The following UEVLD variants were observed in gnomAD, a reference collection of about 807,000 sequenced individuals.
UEVLD encodes the protein ubiquitin-conjugating enzyme E2 variant 3.
A neutral mutation model predicts 58.6 loss-of-function variants in UEVLD; 47 were observed. That is an observed-to-expected ratio of 0.80 (90% CI 0.63 to 1.02). The LOEUF (loss-of-function observed/expected upper bound fraction) is 1.02. UEVLD is among the 50% of genes least tolerant of loss of function. UEVLD has a pLI of 0.00. For missense variants in UEVLD, 510 were observed against 550.6 expected (o/e 0.93, Z 0.74); for synonymous variants, 197 against 195.3 (o/e 1.01, Z -0.07).
chr11:18,547,924 C>CT (rs941985784), intron 7 of UEVLD, among the ~76,000 whole-genome samples: 9 of 151,892 alleles, frequency 5.9e-5, no homozygotes, highest in East Asian at 1.9e-4. Flanking sequence ...AATATCTTGG[C>CT]TTTTTTTTAA....
chr11:18,544,570 G>A, intron 9 of UEVLD, 53 bp downstream of exon 9: 2 of 1,556,012 alleles, frequency 1.3e-6, no homozygotes, highest in Non-Finnish European at 1.7e-6. Flanking sequence ...CTCCCAAAGT[G>A]TTGGAATTAC....
intron 4 of UEVLD, among the ~76,000 whole-genome samples, chr11:18,568,496 A>G (rs1852409357): frequency 6.6e-6 from 1 of 152,228 alleles, no homozygotes; most frequent in Admixed American, 6.5e-5. Flanking sequence ...AATTTCTCAA[A>G]TAACCAAACA....
intron 1 of UEVLD, among the ~76,000 whole-genome samples, chr11:18,586,786 C>T (rs1853582508): frequency 1.3e-5 from 2 of 152,154 alleles, no homozygotes; most frequent in South Asian, 4.1e-4. Context: ...TGATTGGTTT[C>T]CTTAATTTAT....
chr11:18,538,134 A>C lies in UEVLD; in HGVS notation c.1061-1665T>G, dbSNP rs375886298. Among the ~76,000 whole-genome samples, 8 of 152,290 alleles carry C rather than the reference A, an allele frequency of 5.3e-5. No homozygotes were observed. In the East Asian group the frequency reaches 9.6e-4, roughly 18 times the overall value. Reference sequence around the variant, plus strand: ...ATATGTTTAAGATACAAGAATTCTAAACTACATTCAAAATTAGACCACTTA... The same window carrying C: ...ATATGTTTAAGATACAAGAATTCTACACTACATTCAAAATTAGACCACTTA... On this transcript the variant is annotated intron_variant, in intron 9 of 11. Transcript: ENST00000396197.
intron 3 of UEVLD, among the ~76,000 whole-genome samples, chr11:18,574,926 A>G (rs1337916693): frequency 3.9e-5 from 6 of 152,128 alleles, no homozygotes; most frequent in African/African-American, 1.4e-4. Flanking sequence ...GGGCAGGCCT[A>G]TGTCTGTCTT....
intron 1 of UEVLD, among the ~76,000 whole-genome samples, chr11:18,586,722 A>C (rs941198406): frequency 3.3e-5 from 5 of 152,164 alleles, no homozygotes; most frequent in African/African-American, 9.7e-5. Context: ...TATTATTTGC[A>C]GACTGCAGTG....
At chr11:18,558,418 A>G (rs769432109) in intron 6 of UEVLD, 88 bp from the exon 7 acceptor site, 1 of 796,018 alleles carries the variant, frequency 1.3e-6, no homozygotes, top group Non-Finnish European at 2.0e-6. Context: ...AGGACAATAA[A>G]CAGGCCTCAT....
intron 4 of UEVLD, among the ~76,000 whole-genome samples, chr11:18,568,619 T>C (rs2134030954): frequency 6.6e-6 from 1 of 152,304 alleles, no homozygotes; most frequent in Non-Finnish European, 1.5e-5. Context: ...GTAATGCAAA[T>C]AACATAAATG....
chr11:18,533,316 A>G (rs986062917), intron 11 of UEVLD, among the ~76,000 whole-genome samples: 5 of 150,632 alleles, frequency 3.3e-5, no homozygotes, highest in Non-Finnish European at 7.4e-5. Flanking sequence ...TTTTCATTCT[A>G]TCCCCCAACC....
intron 1 of UEVLD, among the ~76,000 whole-genome samples, chr11:18,585,513 C>T (rs1853502049): frequency 6.6e-6 from 1 of 152,274 alleles, no homozygotes; most frequent in Admixed American, 6.5e-5. Context: ...ATTCTAAGCC[C>T]TTTAGTCTGT....
At position 18,566,495 on chromosome 11, in the gene UEVLD, C is replaced by T; in HGVS notation, c.358-13G>A. 2.5e-6 allele frequency: 4 copies of T among 1,608,126 alleles called. No homozygotes were observed. Among genetic ancestry groups the T allele is most frequent in the South Asian group, 2.2e-5 (2 of 90,242 alleles). ...TGACAGATTTAGGCTGTAGAATACACAAAAAACAGAAAAGTTACACAAAAA... is the reference window on the plus strand; with the variant it reads ...TGACAGATTTAGGCTGTAGAATACATAAAAAACAGAAAAGTTACACAAAAA... On this transcript the variant is annotated splice_polypyrimidine_tract_variant and intron_variant, in intron 4 of 11. Coordinates refer to ENST00000396197, the MANE Select transcript of UEVLD (RefSeq NM_001040697.4).
At chr11:18,533,945 C>A (rs570252845) in intron 11 of UEVLD, among the ~76,000 whole-genome samples, 63 of 152,192 alleles carry the variant, frequency 4.1e-4, no homozygotes, top group Non-Finnish European at 7.6e-4. Flanking sequence ...AGCCACTGCC[C>A]CCAGTCAAAA....
At position 18,588,528 on chromosome 11, in the gene UEVLD, G is replaced by A. The variant is rs113749087; in HGVS notation, c.42+85C>T. ...CAAGCCCCACTACAAGCCGGGAAAC[G>A]CAAAACGGAGGCAACCTGGCCAAAG... On this transcript the variant is annotated intron_variant, in intron 1 of 11. Transcript: ENST00000396197. 9.2e-6 allele frequency: 14 copies of A among 1,513,606 alleles called. No individual in the cohort carries two copies. The African/African-American group carries it at 1.8e-4, about 19-fold the overall frequency. 93.8% of individuals were successfully genotyped at this position (1,513,606 alleles called of 1,614,324 possible). A position where few individuals can be genotyped will look rare whatever the true frequency, so the allele number is the denominator to read the frequency against.
At chr11:18,565,847 T>C (rs1187710487) in intron 5 of UEVLD, among the ~76,000 whole-genome samples, 5 of 151,460 alleles carry the variant, frequency 3.3e-5, no homozygotes, top group African/African-American at 1.2e-4. Flanking sequence ...TAATATTTAT[T>C]GGAATTACAT....
chr11:18,556,469 T>C (rs1851761447), intron 7 of UEVLD, among the ~76,000 whole-genome samples: 1 of 152,236 alleles, frequency 6.6e-6, no homozygotes, highest in Admixed American at 6.5e-5. Context: ...CTTTTCTGAC[T>C]ACCATTCCTT....
Position 18,544,503 on chromosome 11 carries a change from T to C in UEVLD, c.1060+120A>G, listed in dbSNP as rs370221616. ...TTTATCTTTTTGTAGAGATGGGGTC[T>C]TGCTATGTTGCCCAGGCTGGTCTTG... is the stretch of plus-strand genomic sequence containing the variant. On this transcript the variant is annotated intron_variant, in intron 9 of 11. Transcript: ENST00000396197. 14 of 1,036,924 alleles carry C rather than the reference T, an allele frequency of 1.4e-5. No individual in the cohort carries two copies. In the East Asian group the frequency reaches 3.3e-4, roughly 25 times the overall value. 64.2% of individuals were successfully genotyped at this position (1,036,924 alleles called of 1,614,324 possible). A position where few individuals can be genotyped will look rare whatever the true frequency, so the allele number is the denominator to read the frequency against.
At chr11:18,551,407 A>T (rs1220349358) in intron 7 of UEVLD, among the ~76,000 whole-genome samples, 1 of 118,450 alleles carries the variant, frequency 8.4e-6, no homozygotes, top group African/African-American at 2.6e-5. Context: ...TGGGCAACCG[A>T]GTAAGACTCC....
intron 7 of UEVLD, among the ~76,000 whole-genome samples, chr11:18,554,948 T>C (rs1851695643): frequency 6.6e-6 from 1 of 152,194 alleles, no homozygotes; most frequent in Non-Finnish European, 1.5e-5. Context: ...TACTTCGCCA[T>C]ATCTCAGAAT....
chr11:18,546,141 T>C (rs1211858400), intron 8 of UEVLD, among the ~76,000 whole-genome samples: 3 of 152,224 alleles, frequency 2.0e-5, no homozygotes, highest in African/African-American at 7.2e-5. Context: ...TGAAAATATT[T>C]CTATTTTTGA....
Sources: gnomAD v4.1 joint callset for allele counts (sites outside exome capture counted in the v4.1 genomes callset) on GRCh38, gnomAD v4.1.1 for gene constraint, MANE v1.5 for transcripts, NCBI Gene and HGNC (gene_info 2026-07-23, HGNC 2026-07-21) for gene names.